Variants in GFM1 observed in about 807,000 individuals in gnomAD.
GFM1 encodes G elongation factor mitochondrial 1, also known as elongation factor G, mitochondrial.
Under a neutral mutation model 96.2 loss-of-function variants are expected in GFM1, and 62 were observed. The ratio of observed to expected loss-of-function variants is 0.64; its 90% confidence interval spans 0.53 to 0.80. The LOEUF (loss-of-function observed/expected upper bound fraction) is 0.80, where lower values mean the gene tolerates loss of function less well. Ranked by LOEUF, GFM1 falls within the 30% of genes least tolerant of loss-of-function variation. GFM1 has a pLI of 0.00. For missense variants in GFM1, 852 were observed against 916.6 expected (o/e 0.93, Z 0.91); for synonymous variants, 282 against 312.9 (o/e 0.90, Z 1.04).
At chr3:158,690,516 C>CT (rs905230517) in intron 16 of GFM1, 193 bp downstream of exon 16, 2 of 587,450 alleles carry the variant, frequency 3.4e-6, no homozygotes, top group African/African-American at 1.9e-5. Flanking sequence ...TTATCTTGAC[C>CT]TTTTGTGAAT....
intron 7 of GFM1, among the ~76,000 whole-genome samples, chr3:158,654,072 A>G (rs565526795): frequency 6.6e-6 from 1 of 150,790 alleles, no homozygotes; most frequent in African/African-American, 2.4e-5. Flanking sequence ...TAAGATTCCA[A>G]AAAAAAAAGA....
At chr3:158,659,615 G>A (rs983077189) in intron 9 of GFM1, among the ~76,000 whole-genome samples, 23 of 152,074 alleles carry the variant, frequency 1.5e-4, no homozygotes, top group African/African-American at 5.3e-4. Context: ...TTTGACTTAC[G>A]CCTTGAATTC....
chr3:158,656,307 C>G (rs1271414340), intron 8 of GFM1: 1 of 168,094 alleles, frequency 5.9e-6, no homozygotes, highest in African/African-American at 2.4e-5. Flanking sequence ...GCATGCGCCA[C>G]CACGCCCAGC....
rs1725201628 is a variant in GFM1, at chr3:158,679,683, G to A, written c.1602-2312G>A. Among the ~76,000 whole-genome samples, 3 of 152,202 alleles carry A rather than the reference G, an allele frequency of 2.0e-5. No individual in the cohort carries two copies. The South Asian group carries it at 6.2e-4, about 32-fold the overall frequency. The stretch of plus-strand genomic sequence containing the variant: ...ATTTATCTGTGAGCCAGCCTCTTAG[G>A]TTGTCGTTGTGCATGTGAGTTTTTT... On this transcript the variant is annotated intron_variant, in intron 13 of 17. Transcript: ENST00000486715.
intron 14 of GFM1, among the ~76,000 whole-genome samples, chr3:158,684,172 A>G (rs1046511570): frequency 1.3e-5 from 2 of 152,158 alleles, no homozygotes; most frequent in African/African-American, 4.8e-5. Context: ...GGACACATAG[A>G]GGGGAACAAC....
intron 14 of GFM1, among the ~76,000 whole-genome samples, chr3:158,684,076 T>C (rs1190831506): frequency 3.9e-5 from 6 of 152,144 alleles, no homozygotes; most frequent in African/African-American, 1.4e-4. Flanking sequence ...CTAGAGGCCA[T>C]TATCTTTAGC....
chr3:158,684,716 A>G (rs1312697605), intron 15 of GFM1, 48 bp downstream of exon 15: 1 of 1,600,034 alleles, frequency 6.2e-7, no homozygotes, highest in South Asian at 1.1e-5. Context: ...CTGATAGATC[A>G]TCATAGCCTC....
At chr3:158,687,007 A>G (rs1057340326) in intron 15 of GFM1, among the ~76,000 whole-genome samples, 1 of 150,746 alleles carries the variant, frequency 6.6e-6, no homozygotes, top group Non-Finnish European at 1.5e-5. Flanking sequence ...TGCTGGGATT[A>G]CTTTTCTATT....
In GFM1 at chr3:158,694,818, AAT is replaced by A. The variant is rs1726488288; in HGVS notation, c.*3353_*3354del. Among the ~76,000 whole-genome samples the A allele has an allele frequency of 6.6e-6, 1 of 152,228 alleles. No homozygotes were observed. The highest frequency in any genetic ancestry group is 6.5e-5 in the Admixed American group (1 of 15,284). ...CAGGTAGGAAGAAAATGAAAGTATGAATAAAATAAAATGGAATGTAGACAAAA... is the reference window on the plus strand; with the variant it reads ...CAGGTAGGAAGAAAATGAAAGTATGAAAAATAAAATGGAATGTAGACAAAA... On this transcript the variant is annotated 3_prime_UTR_variant, in exon 18 of 18. Coordinates refer to ENST00000486715, the MANE Select transcript of GFM1 (RefSeq NM_024996.7).
At chr3:158,661,524 CCT>C (rs1257757668) in intron 10 of GFM1, among the ~76,000 whole-genome samples, 1 of 152,144 alleles carries the variant, frequency 6.6e-6, no homozygotes, top group East Asian at 1.9e-4. Context: ...ATATAAATAG[CCT>C]GCCCTTTGGA....
intron 9 of GFM1, 51 bp from the exon 10 acceptor site, chr3:158,660,823 T>A: frequency 6.8e-7 from 1 of 1,469,390 alleles, no homozygotes; most frequent in Non-Finnish European, 9.5e-7. Flanking sequence ...AGTTACCACA[T>A]CTTTATTTGT....
intron 13 of GFM1, chr3:158,669,613 G>C (rs377765602): frequency 1.2e-6 from 2 of 1,612,598 alleles, no homozygotes; most frequent in Admixed American, 3.4e-5. Flanking sequence ...TTAACTTGCT[G>C]TTTGAAATTT....
chr3:158,672,354 A>C (rs1724412989), intron 13 of GFM1: 1 of 1,613,678 alleles, frequency 6.2e-7, no homozygotes, highest in Admixed American at 1.7e-5. Context: ...ACTCACCTCC[A>C]TGCTGGCTTG....
chr3:158,672,272 CAAA>C (rs1724400320), intron 13 of GFM1: 1 of 1,576,436 alleles, frequency 6.3e-7, no homozygotes, highest in Admixed American at 1.7e-5. Context: ...TGTCTGCACC[CAAA>C]GGCTGAGACC....
At chr3:158,668,177 G>C (rs2639655) in intron 13 of GFM1, among the ~76,000 whole-genome samples, 125,798 of 152,178 alleles carry the variant, frequency 0.83, 52,833 homozygotes, top group African/African-American at 0.95. Flanking sequence ...ATACCAAAAT[G>C]CACGGATGCC....
At chr3:158,676,860 C>T (rs918470886) in intron 13 of GFM1, among the ~76,000 whole-genome samples, 6 of 151,940 alleles carry the variant, frequency 3.9e-5, no homozygotes, top group African/African-American at 7.2e-5. Flanking sequence ...CCACCATGCC[C>T]GGCTAATTTT....
At chr3:158,647,557 C>T (rs536687790) in intron 4 of GFM1, among the ~76,000 whole-genome samples, 4 of 152,246 alleles carry the variant, frequency 2.6e-5, no homozygotes, top group African/African-American at 9.6e-5. Context: ...CTCATACTTA[C>T]GTTTCACATG....
At chr3:158,649,556 A>G (rs1333274148) in intron 5 of GFM1, 1 of 194,082 alleles carries the variant, frequency 5.2e-6, no homozygotes, top group African/African-American at 2.4e-5. Flanking sequence ...AAGAAAATAG[A>G]GATCATAAAT....
chr3:158,669,069 C>T (rs1470936173), intron 13 of GFM1: 1 of 1,613,586 alleles, frequency 6.2e-7, no homozygotes, highest in Admixed American at 1.7e-5. Flanking sequence ...TATTATATAA[C>T]CACAGGCAAC....
Sources: gnomAD v4.1 joint callset for allele counts (sites outside exome capture counted in the v4.1 genomes callset) on GRCh38, gnomAD v4.1.1 for gene constraint, MANE v1.5 for transcripts, NCBI Gene and HGNC (gene_info 2026-07-23, HGNC 2026-07-21) for gene names.